The following PUS7L variants were observed in gnomAD, a reference collection of about 807,000 sequenced individuals.
The protein encoded by PUS7L is pseudouridine synthase 7 like, also known as pseudouridylate synthase PUS7L.
In PUS7L, 49 loss-of-function variants were observed where a neutral mutation model predicts 51.1. That is an observed-to-expected ratio of 0.96 (90% CI 0.76 to 1.22). The LOEUF (loss-of-function observed/expected upper bound fraction) is 1.22, where lower values mean the gene tolerates loss of function less well. PUS7L is among the 50% of genes most tolerant of loss of function. The pLI is 0.00. For synonymous variants in PUS7L, 277 were observed against 276.2 expected, an observed-to-expected ratio of 1.00 and a Z score of -0.03; for missense variants, 828 against 820.6, an observed-to-expected ratio of 1.01 and a Z score of -0.11.
intron 4 of PUS7L, among the ~76,000 whole-genome samples, chr12:43,743,231 G>T (rs1303536098): frequency 6.6e-6 from 1 of 152,058 alleles, no homozygotes; most frequent in African/African-American, 2.4e-5. Flanking sequence ...ACATACTACC[G>T]CAACCATTAA....
At chr12:43,756,377 C>T (rs2137772322) in intron 1 of PUS7L, among the ~76,000 whole-genome samples, 1 of 152,278 alleles carries the variant, frequency 6.6e-6, no homozygotes, top group African/African-American at 2.4e-5. Context: ...TACCTTAGGA[C>T]CTGGAGGCTG....
intron 1 of PUS7L, among the ~76,000 whole-genome samples, chr12:43,757,175 TTC>T (rs202214041): frequency 4.3e-4 from 66 of 151,898 alleles, no homozygotes; most frequent in Non-Finnish European, 7.6e-4. Flanking sequence ...CTGCAAGTGA[TTC>T]TCTTTTTTTT....
intron 6 of PUS7L, 31 bp downstream of exon 6, chr12:43,738,278 TG>T: frequency 9.3e-7 from 1 of 1,075,702 alleles, no homozygotes; most frequent in Non-Finnish European, 1.5e-6. Context: ...TGTATCTGCA[TG>T]GTTATGTACA....
At chr12:43,742,774 T>A in intron 4 of PUS7L, 1 of 399,608 alleles carries the variant, frequency 2.5e-6, no homozygotes. Context: ...TGAAGAAAAC[T>A]TTAAAAATAC....
At chr12:43,752,814 A>T (rs1565644878) in intron 2 of PUS7L, among the ~76,000 whole-genome samples, 2 of 152,278 alleles carry the variant, frequency 1.3e-5, no homozygotes, top group East Asian at 1.9e-4. Flanking sequence ...GTGGTGAGGG[A>T]TGTACAACCA....
In PUS7L at chr12:43,738,319, GA is replaced by G; in HGVS notation, c.1434del (p.Leu479PhefsTer12). On this transcript the variant is annotated frameshift_variant, in exon 6 of 9. Coordinates refer to ENST00000344862, the MANE Select transcript of PUS7L (RefSeq NM_031292.5). LOFTEE classifies it high-confidence loss of function. ...AAAGAAACGTAAATACCAGTTTGAA[GA>G]AAATACTTCTTTGCTCTATTTACAG... ...DDPVNRAKKY[F>X]LQTEDAKGTL... 1 of 1,550,544 alleles carries G rather than the reference GA, an allele frequency of 6.4e-7. No homozygotes were observed. The highest frequency in any genetic ancestry group is 1.1e-5 in the South Asian group (1 of 89,680).
chr12:43,747,085 C>T (rs1592174390), intron 3 of PUS7L, among the ~76,000 whole-genome samples: 1 of 152,152 alleles, frequency 6.6e-6, no homozygotes, highest in African/African-American at 2.4e-5. Context: ...ATAGTGGATA[C>T]TTAAACATGC....
At chr12:43,748,142 C>CT (rs1280508452) in intron 3 of PUS7L, among the ~76,000 whole-genome samples, 5 of 152,066 alleles carry the variant, frequency 3.3e-5, no homozygotes, top group Non-Finnish European at 7.4e-5. Flanking sequence ...TTTTAAAAAA[C>CT]TTTTTTCTAT....
intron 4 of PUS7L, among the ~76,000 whole-genome samples, chr12:43,745,137 T>C (rs113705065): frequency 3.9e-5 from 1 of 25,920 alleles, no homozygotes; most frequent in Non-Finnish European, 6.0e-5. Flanking sequence ...GGTCAAAAAT[T>C]TTATTATCTG....
intron 3 of PUS7L, 62 bp downstream of exon 3, chr12:43,748,388 A>T (rs1938273912): frequency 8.3e-7 from 1 of 1,206,268 alleles, no homozygotes; most frequent in Non-Finnish European, 1.2e-6. Flanking sequence ...GAAACCATTT[A>T]GACAATTTAA....
At chr12:43,744,823 C>T (rs952462391) in intron 4 of PUS7L, among the ~76,000 whole-genome samples, 2 of 152,082 alleles carry the variant, frequency 1.3e-5, no homozygotes, top group African/African-American at 4.8e-5. Flanking sequence ...AGTACAGTCA[C>T]CTAAGAAGTT....
chr12:43,730,922 G>A (rs1280960918), intron 8 of PUS7L, among the ~76,000 whole-genome samples: 4 of 152,004 alleles, frequency 2.6e-5, no homozygotes, highest in Admixed American at 6.6e-5. Flanking sequence ...AATAACTAAG[G>A]TAACCAACTC....
intron 2 of PUS7L, among the ~76,000 whole-genome samples, chr12:43,753,638 C>T (rs1938557447): frequency 6.6e-6 from 1 of 152,128 alleles, no homozygotes; most frequent in African/African-American, 2.4e-5. Flanking sequence ...TGGACTTTTA[C>T]AGTGAGAGTT....
At chr12:43,742,145 T>A (rs1937931918) in intron 5 of PUS7L, among the ~76,000 whole-genome samples, 1 of 152,214 alleles carries the variant, frequency 6.6e-6, no homozygotes, top group Non-Finnish European at 1.5e-5. Flanking sequence ...ATCTGATATC[T>A]GATTTCTGGG....
chr12:43,756,768 C>T (rs1938718758), intron 1 of PUS7L, among the ~76,000 whole-genome samples: 1 of 152,184 alleles, frequency 6.6e-6, no homozygotes, highest in African/African-American at 2.4e-5. Context: ...CTTTATCACA[C>T]CAACTTTAAT....
chr12:43,738,807 C>T, intron 5 of PUS7L: 1 of 293,976 alleles, frequency 3.4e-6, no homozygotes, highest in Non-Finnish European at 6.8e-6. Flanking sequence ...AATAGTAAAA[C>T]TTTTTTGCAG....
intron 7 of PUS7L, among the ~76,000 whole-genome samples, chr12:43,735,921 C>T (rs947775790): frequency 2.0e-5 from 3 of 152,006 alleles, no homozygotes; most frequent in Non-Finnish European, 4.4e-5. Flanking sequence ...GGATTACAGG[C>T]GTGCGCTACC....
chr12:43,755,815 G>A (rs1938671881), intron 1 of PUS7L, among the ~76,000 whole-genome samples: 1 of 152,180 alleles, frequency 6.6e-6, no homozygotes, highest in Non-Finnish European at 1.5e-5. Context: ...AGTCAGTCCT[G>A]GGCCTTCTCT....
rs1356852940 is a variant in PUS7L, at chr12:43,720,472, T to C, written c.*9904A>G. 2 of 152,176 alleles carry C rather than the reference T, an allele frequency of 1.3e-5. No individual in the cohort carries two copies. Among genetic ancestry groups the C allele is most frequent in the African/African-American group, 4.8e-5 (2 of 41,450 alleles). The allele number at this position is 152,176 out of a possible 1,614,324, so 9.4% of individuals were successfully genotyped here. On this transcript the variant is annotated 3_prime_UTR_variant, in exon 9 of 9. Coordinates refer to ENST00000344862, the MANE Select transcript of PUS7L (RefSeq NM_031292.5). ...GCACGGGTGATAGAGTGAGACTCCA[T>C]CACAAAAAACAAAAAATAAATAAGT...
Sources: allele counts gnomAD v4.1 joint callset (sites outside exome capture counted in the v4.1 genomes callset), GRCh38; gene constraint gnomAD v4.1.1; transcripts MANE v1.5; gene names NCBI Gene and HGNC (gene_info 2026-07-23, HGNC 2026-07-21).